OPCML: variants seen among roughly 807,000 people sequenced by gnomAD.
OPCML encodes opioid binding protein/cell adhesion molecule like.
OPCML carries 13 observed loss-of-function variants against 37.8 expected under a neutral mutation model. The observed-to-expected ratio is 0.34, with a 90% CI of 0.22 to 0.55. OPCML has a LOEUF of 0.55. Among genes scored for constraint, OPCML ranks in the 20% least tolerant of loss-of-function variants. OPCML has a pLI of 0.91. For missense variants in OPCML, 341 were observed against 435.6 expected (o/e 0.78, Z 1.93); for synonymous variants, 176 against 168.8 (o/e 1.04, Z -0.33).
rs140736966 is a variant in OPCML, at chr11:133,051,193, G to T, written c.62-108183C>A. 7.9e-5 allele frequency among the ~76,000 whole-genome samples: 12 copies of T among 152,158 alleles called. No individual in the cohort carries two copies. In the East Asian group the frequency reaches 2.3e-3, roughly 29 times the overall value. The stretch of plus-strand genomic sequence containing the variant: ...TTTTCCCATTCGGACTAATAACAAT[G>T]GAAACAAACCCACACATATTGATTT... On this transcript the variant is annotated intron_variant, in intron 1 of 7. Transcript: ENST00000524381.
chr11:132,676,085 A>G lies in OPCML; in HGVS notation c.147-18766T>C, dbSNP rs77431531. ...TTAAGTCAGTGTAGCACTGGCATAA[A>G]GATAAACATATAGATCAATGGAATA... is the stretch of plus-strand genomic sequence containing the variant. On this transcript the variant is annotated intron_variant, in intron 2 of 7. Coordinates refer to ENST00000524381, the MANE Select transcript of OPCML (RefSeq NM_001012393.5). Among the ~76,000 whole-genome samples the G allele has an allele frequency of 7.5e-3, 1,147 of 152,306 alleles. 19 individuals carry two copies. The highest frequency in any genetic ancestry group is 0.026 in the African/African-American group (1,099 of 41,580).
At position 133,532,472 on chromosome 11, in the gene OPCML, G is replaced by GA; in HGVS notation, c.-149dup. On this transcript the variant is annotated 5_prime_UTR_variant, in exon 1 of 8. Coordinates refer to ENST00000524381, the MANE Select transcript of OPCML (RefSeq NM_001012393.5). ...AGAGCAGAAGAGAGAGAGAGCGCGC[G>GA]AGAGATGGGAGCAGGCAGGCAGCGT... The GA allele has an allele frequency of 1.1e-6, 1 of 875,372 alleles. No homozygotes were observed. The highest frequency in any genetic ancestry group is 1.5e-5 in the South Asian group (1 of 66,428). The allele number at this position is 875,372 out of a possible 1,614,324, so 54.2% of individuals were successfully genotyped here.
chr11:132,543,597 A>T (rs57980538), intron 3 of OPCML, among the ~76,000 whole-genome samples: 5,007 of 152,274 alleles, frequency 0.033, 297 homozygotes, highest in African/African-American at 0.12. Context: ...ACTAAAAAAA[A>T]TTAAAAACTA....
intron 1 of OPCML, among the ~76,000 whole-genome samples, chr11:133,433,239 G>A (rs1377683790): frequency 1.7e-5 from 2 of 116,028 alleles, no homozygotes; most frequent in African/African-American, 6.8e-5. Flanking sequence ...GCGACAGAGC[G>A]AGACTCCGTC....
chr11:133,319,255 C>T (rs1158543283), intron 1 of OPCML, among the ~76,000 whole-genome samples: 2 of 152,050 alleles, frequency 1.3e-5, no homozygotes. Context: ...TTGAAGCAGC[C>T]CAGTCAAGTT....
At chr11:132,516,115 A>T (rs2096279097) in intron 4 of OPCML, among the ~76,000 whole-genome samples, 1 of 152,234 alleles carries the variant, frequency 6.6e-6, no homozygotes, top group Admixed American at 6.5e-5. Flanking sequence ...CAGATCACAG[A>T]TCACCGTGTC....
At chr11:133,091,732 T>C (rs770746593) in intron 1 of OPCML, among the ~76,000 whole-genome samples, 17 of 152,330 alleles carry the variant, frequency 1.1e-4, no homozygotes, top group Admixed American at 8.5e-4. Context: ...ATTTGTTTCA[T>C]TTCACAGGCT....
At chr11:132,685,328 A>C (rs1215902114) in intron 2 of OPCML, among the ~76,000 whole-genome samples, 3 of 152,206 alleles carry the variant, frequency 2.0e-5, no homozygotes, top group Admixed American at 1.3e-4. Flanking sequence ...AAGAGACCTA[A>C]AAATGTTGAG....
At chr11:132,548,132 C>A (rs1037632957) in intron 3 of OPCML, among the ~76,000 whole-genome samples, 2 of 152,094 alleles carry the variant, frequency 1.3e-5, no homozygotes, top group African/African-American at 2.4e-5. Context: ...ATGGTTAAAC[C>A]ATCTTTCCCT....
chr11:133,474,047 A>G (rs1257610405), intron 1 of OPCML, among the ~76,000 whole-genome samples: 1 of 152,262 alleles, frequency 6.6e-6, no homozygotes, highest in African/African-American at 2.4e-5. Context: ...TTTGGTACAT[A>G]GAAGACCCCA....
intron 1 of OPCML, among the ~76,000 whole-genome samples, chr11:133,125,698 ATATATATAGTG>A (rs1324784719): frequency 3.7e-5 from 1 of 27,236 alleles, no homozygotes; most frequent in Non-Finnish European, 8.4e-5. Context: ...TATATATAGT[ATATATATAGTG>A]TATATATATG....
chr11:132,936,339 T>C (rs1945373809), intron 2 of OPCML, among the ~76,000 whole-genome samples: 1 of 152,222 alleles, frequency 6.6e-6, no homozygotes, highest in African/African-American at 2.4e-5. Flanking sequence ...AAATGCAGAC[T>C]CTGACACATG....
intron 1 of OPCML, among the ~76,000 whole-genome samples, chr11:133,522,017 G>T (rs1337133149): frequency 6.6e-6 from 1 of 152,132 alleles, no homozygotes; most frequent in Non-Finnish European, 1.5e-5. Context: ...CTATTGTTTT[G>T]ATTGCACCCA....
chr11:132,616,708 T>C (rs897523603), intron 3 of OPCML, among the ~76,000 whole-genome samples: 1 of 152,230 alleles, frequency 6.6e-6, no homozygotes, highest in African/African-American at 2.4e-5. Context: ...ACCTCCTATG[T>C]GAAAGCATAT....
intron 4 of OPCML, among the ~76,000 whole-genome samples, chr11:132,483,401 T>C (rs2096187849): frequency 6.6e-6 from 1 of 151,954 alleles, no homozygotes; most frequent in Non-Finnish European, 1.5e-5. Context: ...AAACCACTGC[T>C]CAATGAAATC....
chr11:133,456,469 C>G (rs1025817687), intron 1 of OPCML, among the ~76,000 whole-genome samples: 14 of 143,896 alleles, frequency 9.7e-5, no homozygotes, highest in Admixed American at 8.0e-4. Flanking sequence ...TAAACAATCA[C>G]AAGACATAAA....
intron 1 of OPCML, among the ~76,000 whole-genome samples, chr11:133,222,530 A>G (rs1939880851): frequency 6.6e-6 from 1 of 152,154 alleles, no homozygotes; most frequent in South Asian, 2.1e-4. Context: ...CACACCTCGA[A>G]GAAGACAGTC....
intron 1 of OPCML, among the ~76,000 whole-genome samples, chr11:133,263,403 G>C (rs1007198797): frequency 6.6e-6 from 1 of 152,116 alleles, no homozygotes; most frequent in Non-Finnish European, 1.5e-5. Context: ...TGCCTACAGT[G>C]TTCAATACAG....
intron 2 of OPCML, among the ~76,000 whole-genome samples, chr11:132,897,457 A>T (rs763747626): frequency 9.1e-4 from 138 of 152,286 alleles, no homozygotes; most frequent in Middle Eastern, 3.4e-3. Flanking sequence ...AGGTACAAAG[A>T]AGTTACATGA....
Sources: allele counts gnomAD v4.1 joint callset (sites outside exome capture counted in the v4.1 genomes callset), GRCh38; gene constraint gnomAD v4.1.1; transcripts MANE v1.5; gene names NCBI Gene and HGNC (gene_info 2026-07-23, HGNC 2026-07-21).